Variants in TSNARE1 observed in about 807,000 individuals in gnomAD.
TSNARE1 encodes the protein t-SNARE domain-containing protein 1.
TSNARE1 carries 49 observed loss-of-function variants against 62.0 expected under a neutral mutation model. That is an observed-to-expected ratio of 0.79 (90% CI 0.63 to 1.00). The LOEUF (loss-of-function observed/expected upper bound fraction) is 1.00. Among genes scored for constraint, TSNARE1 ranks in the 50% least tolerant of loss-of-function variants. The pLI is 0.00. For missense variants in TSNARE1, 755 were observed against 700.1 expected (o/e 1.08, Z -0.88); for synonymous variants, 328 against 294.4 (o/e 1.11, Z -1.17).
At chr8:142,231,866 A>G (rs1000201938) in intron 12 of TSNARE1, among the ~76,000 whole-genome samples, 1 of 152,182 alleles carries the variant, frequency 6.6e-6, no homozygotes, top group African/African-American at 2.4e-5. Flanking sequence ...ACCCTGCCCC[A>G]TAAGCCCCGT....
chr8:142,397,430 A>G (rs1458052082), intron 1 of TSNARE1, among the ~76,000 whole-genome samples: 1 of 152,192 alleles, frequency 6.6e-6, no homozygotes, highest in Non-Finnish European at 1.5e-5. Flanking sequence ...AGGAGGCTGC[A>G]GGATCAGACT....
intron 12 of TSNARE1, among the ~76,000 whole-genome samples, chr8:142,267,104 T>A (rs1819171791): frequency 6.6e-6 from 1 of 152,244 alleles, no homozygotes; most frequent in African/African-American, 2.4e-5. Context: ...ATATGTCTGA[T>A]TAATTGCAAC....
At chr8:142,271,583 G>C in intron 12 of TSNARE1, 2 of 1,422,624 alleles carry the variant, frequency 1.4e-6, no homozygotes, top group Non-Finnish European at 1.8e-6. Context: ...GGAGGTGGGT[G>C]CGTGGAAGAC....
At chr8:142,367,938 G>A (rs1406433255) in intron 1 of TSNARE1, among the ~76,000 whole-genome samples, 1 of 152,076 alleles carries the variant, frequency 6.6e-6, no homozygotes, top group African/African-American at 2.4e-5. Flanking sequence ...CACTCCAAAT[G>A]GATCATGGCT....
chr8:142,217,855 A>G (rs867436112), intron 13 of TSNARE1, among the ~76,000 whole-genome samples: 1 of 126,446 alleles, frequency 7.9e-6, no homozygotes, highest in Non-Finnish European at 1.7e-5. Context: ...TGTGAGCAGG[A>G]TCAGGGCTCA....
At chr8:142,222,217 T>C (rs148725773) in intron 13 of TSNARE1, among the ~76,000 whole-genome samples, 6,513 of 20,364 alleles carry the variant, frequency 0.32, 1,075 homozygotes, top group East Asian at 0.33. Flanking sequence ...CATCCGCTCA[T>C]TCACTCACTC....
intron 2 of TSNARE1, among the ~76,000 whole-genome samples, chr8:142,354,372 A>G (rs1231858801): frequency 6.6e-6 from 1 of 152,036 alleles, no homozygotes; most frequent in African/African-American, 2.4e-5. Context: ...ACCCACCAGC[A>G]GCTTGGTGCT....
chr8:142,364,908 T>A (rs1290401898), intron 1 of TSNARE1, among the ~76,000 whole-genome samples: 19 of 152,230 alleles, frequency 1.2e-4, no homozygotes, highest in Admixed American at 1.2e-3. Flanking sequence ...GTGGAAGGAA[T>A]GATGGAACCA....
intron 5 of TSNARE1, 69 bp downstream of exon 5, chr8:142,331,685 C>T (rs1174980833): frequency 4.1e-6 from 6 of 1,467,998 alleles, no homozygotes; most frequent in South Asian, 3.6e-5. Flanking sequence ...GCACCCTCGC[C>T]TCCAATGTCG....
intron 12 of TSNARE1, among the ~76,000 whole-genome samples, chr8:142,253,829 G>A (rs1030331885): frequency 3.9e-5 from 6 of 152,200 alleles, no homozygotes; most frequent in Admixed American, 6.5e-5. Flanking sequence ...CATGTTGTGT[G>A]TCGCCACCCT....
intron 1 of TSNARE1, among the ~76,000 whole-genome samples, chr8:142,381,711 G>A (rs181375311): frequency 2.0e-5 from 3 of 152,328 alleles, no homozygotes; most frequent in African/African-American, 7.2e-5. Context: ...GTTTCCTTCA[G>A]TGGGAGTGTC....
At chr8:142,316,480 ACT>A (rs1384099916) in intron 7 of TSNARE1, among the ~76,000 whole-genome samples, 1 of 151,556 alleles carries the variant, frequency 6.6e-6, no homozygotes, top group African/African-American at 2.4e-5. Context: ...TTTTGAACTG[ACT>A]CTACTTTTTT....
chr8:142,373,434 C>T (rs1487172688), intron 1 of TSNARE1, among the ~76,000 whole-genome samples: 2 of 152,144 alleles, frequency 1.3e-5, no homozygotes, highest in Non-Finnish European at 2.9e-5. Context: ...CAGGGCCAAT[C>T]CAGACTCCCG....
chr8:142,222,635 C>T (rs564640670), intron 13 of TSNARE1, among the ~76,000 whole-genome samples: 3 of 143,658 alleles, frequency 2.1e-5, no homozygotes, highest in Admixed American at 1.4e-4. Flanking sequence ...CATCCACTCA[C>T]TCATTCACTT....
rs184847677 is a variant in TSNARE1, at chr8:142,325,531, C to T, written c.893+5370G>A. ...AGAAGTGCGTGGACACGGGGCAGCT[C>T]AAGAGGAGTGGACAGGCCAGCCCAC... is the stretch of plus-strand genomic sequence containing the variant. On this transcript the variant is annotated intron_variant, in intron 6 of 13. Transcript: ENST00000524325. Among the ~76,000 whole-genome samples the T allele has an allele frequency of 1.4e-3, 216 of 152,240 alleles. No individual in the cohort carries two copies. In the East Asian group the frequency reaches 0.02, roughly 14 times the overall value.
chr8:142,242,200 G>A (rs992918679), intron 12 of TSNARE1, among the ~76,000 whole-genome samples: 5 of 151,760 alleles, frequency 3.3e-5, no homozygotes, highest in Non-Finnish European at 7.4e-5. Context: ...ATGGAAGACC[G>A]ACATGTGAGA....
At chr8:142,324,459 G>A (rs1390669137) in intron 6 of TSNARE1, among the ~76,000 whole-genome samples, 1 of 152,092 alleles carries the variant, frequency 6.6e-6, no homozygotes, top group African/African-American at 2.4e-5. Context: ...AGGCCTGCCT[G>A]GGGGGTGTGT....
intron 11 of TSNARE1, chr8:142,275,599 T>C (rs953475454): frequency 1.0e-6 from 1 of 984,592 alleles, no homozygotes; most frequent in African/African-American, 1.8e-5. Context: ...ACAGCCGGGG[T>C]CCTCAACAGA....
At chr8:142,404,941 G>A (rs148213728), upstream of TSNARE1, 1 of 152,446 alleles carries the variant, frequency 6.6e-6, no homozygotes, top group African/African-American at 2.4e-5. Flanking sequence ...CCACCTCCAG[G>A]AGCCGCTTTC....
Sources: allele counts gnomAD v4.1 joint callset (sites outside exome capture counted in the v4.1 genomes callset), GRCh38; gene constraint gnomAD v4.1.1; transcripts MANE v1.5; gene names NCBI Gene and HGNC (gene_info 2026-07-23, HGNC 2026-07-21).